MAGI2: variants seen among roughly 807,000 people sequenced by gnomAD.
MAGI2 encodes membrane associated guanylate kinase, WW and PDZ domain containing 2.
A neutral mutation model predicts 133.3 loss-of-function variants in MAGI2; 35 were observed. That is an observed-to-expected ratio of 0.26 (90% CI 0.20 to 0.35). The LOEUF is 0.35. MAGI2 is among the 10% of genes least tolerant of loss of function. MAGI2 has a pLI of 1.00. For missense variants in MAGI2, 1,636 were observed against 1,863.4 expected, an observed-to-expected ratio of 0.88 and a Z score of 2.25; for synonymous variants, 729 against 710.6, an observed-to-expected ratio of 1.03 and a Z score of -0.41.
chr7:78,253,607 G>A (rs1563331499), intron 10 of MAGI2: 1 of 152,130 alleles, frequency 6.6e-6, no homozygotes. Flanking sequence ...TCATACACGT[G>A]CTAGTAGACC....
At position 78,367,191 on chromosome 7, in the gene MAGI2, ATTAG is replaced by A. The variant is rs1283622273; in HGVS notation, c.1103+1961_1103+1964del. 2.6e-5 allele frequency among the ~76,000 whole-genome samples: 4 copies of A among 151,956 alleles called. No individual in the cohort carries two copies. In the East Asian group the frequency reaches 7.7e-4, roughly 29 times the overall value. ...GTTACAGCCAGTGTCCAATTTCATA[ATTAG>A]TTATAAAGGATCTACCAGCAGCAGA... is the stretch of plus-strand genomic sequence containing the variant. On this transcript the variant is annotated intron_variant, in intron 7 of 21. Coordinates refer to ENST00000354212, the MANE Select transcript of MAGI2 (RefSeq NM_012301.4).
At chr7:79,433,393 A>T (rs572164460) in intron 1 of MAGI2, among the ~76,000 whole-genome samples, 2 of 152,058 alleles carry the variant, frequency 1.3e-5, no homozygotes, top group Non-Finnish European at 2.9e-5. Context: ...TCTACTAAAA[A>T]ATACAAAAAA....
intron 2 of MAGI2, among the ~76,000 whole-genome samples, chr7:78,734,583 T>C (rs1419859015): frequency 6.6e-6 from 1 of 152,190 alleles, no homozygotes; most frequent in Admixed American, 6.5e-5. Context: ...GACCACCCTA[T>C]GTGACCCGCT....
At chr7:79,243,155 A>T (rs1438450480) in intron 1 of MAGI2, among the ~76,000 whole-genome samples, 5 of 150,636 alleles carry the variant, frequency 3.3e-5, no homozygotes, top group Admixed American at 6.6e-5. Flanking sequence ...AAAGACAAAT[A>T]AAAAAATGAT....
intron 2 of MAGI2, among the ~76,000 whole-genome samples, chr7:78,861,512 A>G (rs1794154248): frequency 6.6e-6 from 1 of 152,208 alleles, no homozygotes; most frequent in African/African-American, 2.4e-5. Context: ...AGACACACAG[A>G]TAAACTACAA....
At chr7:79,452,429 A>G (rs1424899848) in intron 1 of MAGI2, among the ~76,000 whole-genome samples, 4 of 152,130 alleles carry the variant, frequency 2.6e-5, no homozygotes, top group Non-Finnish European at 5.9e-5. Flanking sequence ...GAAAAGTTAC[A>G]GAAGACCCGT....
chr7:79,125,542 G>T (rs1455113630), intron 1 of MAGI2: 2 of 513,166 alleles, frequency 3.9e-6, no homozygotes, highest in Non-Finnish European at 3.9e-6. Flanking sequence ...CAGTGGCTAT[G>T]GTGGGAGTGG....
At chr7:79,181,954 G>C (rs1826659562) in intron 1 of MAGI2, among the ~76,000 whole-genome samples, 1 of 151,938 alleles carries the variant, frequency 6.6e-6, no homozygotes. Context: ...TTTTCAACAA[G>C]TTCCTCATCT....
Position 78,328,502 on chromosome 7 carries a change from A to AACACACACACACACACACACACAC in MAGI2, c.1408+15252_1408+15275dup, listed in dbSNP as rs1554346526. ...CAGCTCTTGTTGCTCCCAGCTCTAAAACACACACACACACACACACACACA... is the reference window on the plus strand; with the variant it reads ...CAGCTCTTGTTGCTCCCAGCTCTAAAACACACACACACACACACACACACACACACACACACACACACACACACA... On this transcript the variant is annotated intron_variant, in intron 9 of 21. Coordinates refer to ENST00000354212, the MANE Select transcript of MAGI2 (RefSeq NM_012301.4). Among the ~76,000 whole-genome samples the AACACACACACACACACACACACAC allele has an allele frequency of 6.5e-3, 681 of 105,094 alleles. 9 individuals are homozygous for AACACACACACACACACACACACAC. The highest frequency in any genetic ancestry group is 0.019 in the East Asian group (72 of 3,812). The allele number at this position is 105,094 out of a possible 152,430, so 68.9% of individuals were successfully genotyped here. A position where few individuals can be genotyped will look rare whatever the true frequency, so the allele number is the denominator to read the frequency against.
At chr7:79,294,814 C>A (rs1332353925) in intron 1 of MAGI2, among the ~76,000 whole-genome samples, 6 of 148,466 alleles carry the variant, frequency 4.0e-5, no homozygotes, top group Non-Finnish European at 8.9e-5. Context: ...ACTGCAAGCT[C>A]CGCCTCCCGG....
chr7:79,025,243 A>T (rs1031071910), intron 1 of MAGI2, among the ~76,000 whole-genome samples: 2 of 152,320 alleles, frequency 1.3e-5, no homozygotes, highest in East Asian at 3.9e-4. Flanking sequence ...AAACAAACTA[A>T]CACAGGAACA....
At chr7:79,124,080 T>C (rs751072666) in intron 1 of MAGI2, among the ~76,000 whole-genome samples, 6 of 152,176 alleles carry the variant, frequency 3.9e-5, no homozygotes, top group African/African-American at 7.2e-5. Flanking sequence ...CATGAGGGCA[T>C]TTGTTACAAT....
rs544655465 is a variant in MAGI2 at position 78,536,103 on chromosome 7, C to CTTTTTT, written c.539-14464_539-14459dup. ...TACAGCTGGCTCTGTATGAATTAAACTTTTTTTTTTTTTTTTTTTTTTTTT... is the reference window on the plus strand; with the variant it reads ...TACAGCTGGCTCTGTATGAATTAAACTTTTTTTTTTTTTTTTTTTTTTTTTTTTTTT... On this transcript the variant is annotated intron_variant, in intron 3 of 21. Coordinates refer to ENST00000354212, the MANE Select transcript of MAGI2 (RefSeq NM_012301.4). Among the ~76,000 whole-genome samples the CTTTTTT allele has an allele frequency of 6.4e-3, 382 of 59,940 alleles. 73 individuals are homozygous for CTTTTTT. Among genetic ancestry groups the CTTTTTT allele is most frequent in the Non-Finnish European group, 8.0e-3 (281 of 35,292 alleles). 39.3% of individuals were successfully genotyped at this position (59,940 alleles called of 152,430 possible).
chr7:78,093,855 CT>C (rs1251308010), intron 20 of MAGI2, among the ~76,000 whole-genome samples: 5 of 152,238 alleles, frequency 3.3e-5, no homozygotes, highest in Admixed American at 3.3e-4. Context: ...AAAATGGACC[CT>C]TCATAATAAT....
chr7:78,118,604 TCCA>T (rs1337927920), intron 20 of MAGI2, among the ~76,000 whole-genome samples: 1 of 152,144 alleles, frequency 6.6e-6, no homozygotes, highest in African/African-American at 2.4e-5. Flanking sequence ...GAAAAGATGC[TCCA>T]CATCATATGC....
At chr7:78,885,437 G>A (rs1445072163) in intron 2 of MAGI2, among the ~76,000 whole-genome samples, 3 of 152,154 alleles carry the variant, frequency 2.0e-5, no homozygotes, top group African/African-American at 7.2e-5. Flanking sequence ...CTTTCAATGT[G>A]TCTTACACTA....
chr7:78,198,069 C>G (rs1407479619), intron 11 of MAGI2, among the ~76,000 whole-genome samples: 1 of 152,224 alleles, frequency 6.6e-6, no homozygotes, highest in Non-Finnish European at 1.5e-5. Context: ...TGTCGCCTTA[C>G]TGAGGTCGAT....
At chr7:78,083,384 GGGGGAGAGAGA>G (rs1816222684) in intron 20 of MAGI2, among the ~76,000 whole-genome samples, 2 of 62,756 alleles carry the variant, frequency 3.2e-5, no homozygotes, top group African/African-American at 1.3e-4. Context: ...GGGAGGGAGG[GGGGGAGAGAGA>G]GAGAGAGAGA....
intron 1 of MAGI2, among the ~76,000 whole-genome samples, chr7:79,338,845 C>G (rs145834755): frequency 1.3e-5 from 2 of 152,086 alleles, no homozygotes; most frequent in African/African-American, 2.4e-5. Flanking sequence ...TGTCAACCTA[C>G]GGGGGGTACT....
Sources: gnomAD v4.1 joint callset for allele counts (sites outside exome capture counted in the v4.1 genomes callset) on GRCh38, gnomAD v4.1.1 for gene constraint, MANE v1.5 for transcripts, NCBI Gene and HGNC (gene_info 2026-07-23, HGNC 2026-07-21) for gene names.